The following RARS1 variants were observed in gnomAD, a reference collection of about 807,000 sequenced individuals.
RARS1 encodes arginyl-tRNA synthetase 1, also known as arginine--tRNA ligase, cytoplasmic.
In RARS1, 75 loss-of-function variants were observed where a neutral mutation model predicts 78.7. The ratio of observed to expected loss-of-function variants is 0.95; its 90% CI spans 0.79 to 1.15. The LOEUF (loss-of-function observed/expected upper bound fraction) is 1.15, where lower values mean the gene tolerates loss of function less well. Ranked by LOEUF, RARS1 falls within the 50% of genes most tolerant of loss-of-function variation. The pLI is 0.00. For missense variants in RARS1, 787 were observed against 787.5 expected, an observed-to-expected ratio of 1.00 and a Z score of 0.01; for synonymous variants, 273 against 268.2, an observed-to-expected ratio of 1.02 and a Z score of -0.18.
At chr5:168,494,345 G>T in intron 4 of RARS1, 1 of 985,462 alleles carries the variant, frequency 1.0e-6, no homozygotes, top group Non-Finnish European at 1.2e-6. Flanking sequence ...CCTGAGTTAA[G>T]TAGGAAGGTT....
chr5:168,513,714 T>A (rs1323621340), intron 12 of RARS1, among the ~76,000 whole-genome samples: 1 of 152,154 alleles, frequency 6.6e-6, no homozygotes, highest in Non-Finnish European at 1.5e-5. Flanking sequence ...TTATTATTAT[T>A]ATTTTGCATT....
At chr5:168,517,651 C>T (rs1246469482) in intron 13 of RARS1, among the ~76,000 whole-genome samples, 164 bp from the exon 14 acceptor site, 1 of 148,564 alleles carries the variant, frequency 6.7e-6, no homozygotes, top group African/African-American at 2.4e-5. Context: ...TTATGAAATG[C>T]TTTAGATCTG....
At chr5:168,496,545 C>T (rs1409649918) in intron 6 of RARS1, among the ~76,000 whole-genome samples, 2 of 151,630 alleles carry the variant, frequency 1.3e-5, no homozygotes, top group Non-Finnish European at 2.9e-5. Context: ...TGCAGTGGCG[C>T]AATCCTGGCT....
At chr5:168,515,221 CTAT>C (rs1325964996) in intron 12 of RARS1, among the ~76,000 whole-genome samples, 1 of 152,082 alleles carries the variant, frequency 6.6e-6, no homozygotes. Context: ...TTTAAAGTTG[CTAT>C]TATCTTTTTT....
chr5:168,487,688 G>T (rs909784072), intron 1 of RARS1, among the ~76,000 whole-genome samples: 32 of 152,302 alleles, frequency 2.1e-4, no homozygotes, highest in Middle Eastern at 6.8e-3. Context: ...CTATCTCCCA[G>T]TAAGTATTCT....
chr5:168,509,553 C>G (rs1758524835), intron 11 of RARS1, among the ~76,000 whole-genome samples: 1 of 151,692 alleles, frequency 6.6e-6, no homozygotes, highest in Admixed American at 6.6e-5. Flanking sequence ...ACAGCGACTG[C>G]CCAGGGCAAT....
intron 11 of RARS1, among the ~76,000 whole-genome samples, chr5:168,507,895 CTT>C (rs1233453072): frequency 6.9e-6 from 1 of 144,496 alleles, no homozygotes; most frequent in East Asian, 2.0e-4. Context: ...AAAAAAAAAA[CTT>C]AGCCAGGCAT....
chr5:168,519,004 C>A (rs1245798322), intron 14 of RARS1, 77 bp from the exon 15 acceptor site: 3 of 1,262,466 alleles, frequency 2.4e-6, no homozygotes, highest in South Asian at 2.7e-5. Flanking sequence ...CTAAAATTTG[C>A]AAGTAACATA....
intron 11 of RARS1, among the ~76,000 whole-genome samples, chr5:168,507,775 C>A (rs1259901830): frequency 2.6e-5 from 4 of 151,888 alleles, no homozygotes; most frequent in Admixed American, 6.6e-5. Context: ...AAGTGGCTCT[C>A]ACGCCTGTAA....
At chr5:168,486,623 G>A in intron 1 of RARS1, 80 bp downstream of exon 1, 1 of 1,442,638 alleles carries the variant, frequency 6.9e-7, no homozygotes, top group Admixed American at 2.0e-5. Flanking sequence ...CTTCGGGGGC[G>A]GGACAGCTAG....
rs1010976478 is a variant in RARS1, at chr5:168,498,799, T to C, written c.822+1451T>C. Among the ~76,000 whole-genome samples the C allele has an allele frequency of 3.9e-5, 6 of 151,958 alleles. No homozygotes were observed. The East Asian group carries it at 1.2e-3, about 29-fold the overall frequency. On this transcript the variant is annotated intron_variant, in intron 7 of 14. Coordinates refer to ENST00000231572, the MANE Select transcript of RARS1 (RefSeq NM_002887.4). ...CTGGGCAACATGGCAAAACCTCATC[T>C]CCACAAAAAATACAAAAGTTAGCCA...
chr5:168,492,596 A>G (rs1758107144), intron 2 of RARS1, 63 bp from the exon 3 acceptor site: 1 of 1,331,430 alleles, frequency 7.5e-7, no homozygotes, highest in Non-Finnish European at 1.0e-6. Context: ...AAATATTTGG[A>G]GACATCTTGT....
rs11958698 is a variant in RARS1, at chr5:168,517,536, C to T, written c.1626-279C>T. ...TGCAAGTTATCCCAGAATCCCTAAA[C>T]CTGGCCTTAACTGCACTTGCCGATA... On this transcript the variant is annotated intron_variant, in intron 13 of 14. Transcript: ENST00000231572. Among the ~76,000 whole-genome samples the T allele has an allele frequency of 0.036, 5,416 of 152,232 alleles. 297 individuals are homozygous for T. Among genetic ancestry groups the T allele is most frequent in the African/African-American group, 0.12 (4,831 of 41,506 alleles).
In RARS1 at chr5:168,497,273, C is replaced by T. The variant is rs560338457; in HGVS notation, c.747C>T (p.Ile249=). ...GGGGGACCCAGTTTGGCATGCTCAT[C>T]GCTCACCTGCAAGACAAATTTCCAG... ...GDWGTQFGML[I]AHLQDKFPDY... is the part of the protein sequence containing the mutation. The change falls in exon 7 of 15, where the codon ATC becomes ATT. Residue 249 remains isoleucine (I), a synonymous_variant. Coordinates refer to ENST00000231572, the MANE Select transcript of RARS1 (RefSeq NM_002887.4). The T allele has an allele frequency of 1.8e-5, 28 of 1,590,004 alleles. No individual in the cohort carries two copies. The highest frequency in any genetic ancestry group is 2.1e-5 in the Non-Finnish European group (25 of 1,166,714).
At chr5:168,516,354 T>G (rs1758666151) in intron 12 of RARS1, among the ~76,000 whole-genome samples, 1 of 152,188 alleles carries the variant, frequency 6.6e-6, no homozygotes, top group Non-Finnish European at 1.5e-5. Context: ...TTTTATCTAC[T>G]CTTAATACAC....
At chr5:168,492,542 C>G in intron 2 of RARS1, 117 bp from the exon 3 acceptor site, 1 of 869,532 alleles carries the variant, frequency 1.2e-6, no homozygotes, top group East Asian at 2.6e-5. Flanking sequence ...ACCATAAGTA[C>G]GTTTTCCCTT....
intron 12 of RARS1, among the ~76,000 whole-genome samples, chr5:168,513,351 ACT>A (rs2113028456): frequency 9.4e-6 from 1 of 105,850 alleles, no homozygotes; most frequent in Non-Finnish European, 2.0e-5. Flanking sequence ...ACAGAATCTC[ACT>A]CTGTCACCCA....
intron 12 of RARS1, among the ~76,000 whole-genome samples, chr5:168,515,149 AT>A (rs1376788233): frequency 1.3e-5 from 2 of 152,006 alleles, no homozygotes; most frequent in Non-Finnish European, 2.9e-5. Context: ...TAAAGTTAGT[AT>A]TTTCCCCCTT....
intron 2 of RARS1, among the ~76,000 whole-genome samples, chr5:168,489,702 T>C (rs1341010489): frequency 6.6e-6 from 1 of 152,202 alleles, no homozygotes; most frequent in African/African-American, 2.4e-5. Context: ...TGTGTATATA[T>C]TACTGTCAGA....
Sources: allele counts gnomAD v4.1 joint callset (sites outside exome capture counted in the v4.1 genomes callset), GRCh38; gene constraint gnomAD v4.1.1; transcripts MANE v1.5; gene names NCBI Gene and HGNC (gene_info 2026-07-23, HGNC 2026-07-21).